Variants in FLACC1 observed in about 807,000 individuals in gnomAD.
The protein encoded by FLACC1 is flagellum-associated coiled-coil domain-containing protein 1.
In FLACC1, 66 loss-of-function variants were observed where a neutral mutation model predicts 62.8. The ratio of observed to expected loss-of-function variants is 1.05; its 90% CI spans 0.86 to 1.29. The LOEUF is 1.29. Among genes scored for constraint, FLACC1 ranks in the 50% most tolerant of loss-of-function variants. FLACC1 has a pLI of 0.00. For missense variants in FLACC1, 452 were observed against 489.1 expected (o/e 0.92, Z 0.71); for synonymous variants, 156 against 161.0 (o/e 0.97, Z 0.24).
intron 11 of FLACC1, among the ~76,000 whole-genome samples, chr2:201,301,088 T>C (rs1576418632): frequency 6.6e-6 from 1 of 152,064 alleles, no homozygotes; most frequent in Non-Finnish European, 1.5e-5. Flanking sequence ...AATTGACGAG[T>C]TGAGAGAAGA....
rs1576454799 is a variant in FLACC1 at position 201,330,726 on chromosome 2, C to T, written c.622+10G>A. On this transcript the variant is annotated intron_variant, in intron 8 of 14. Transcript: ENST00000392257. ...TCATCCAGGGTCATTCTCCCAGGTC[C>T]CAGCAGTACCTAGCTTCTCTTGGGC... 1 of 1,613,292 alleles carries T rather than the reference C, an allele frequency of 6.2e-7. No individual in the cohort carries two copies. Among genetic ancestry groups the T allele is most frequent in the East Asian group, 2.2e-5 (1 of 44,854 alleles).
rs147684304 is a variant in FLACC1 at position 201,340,943 on chromosome 2, G to A, written c.524+1427C>T. On this transcript the variant is annotated intron_variant, in intron 7 of 14. Transcript: ENST00000392257. ...ACATCATCACACTGACTCCTGGCCT[G>A]CAGGGTTTCTGTTAAGAAATTACAA... is the stretch of plus-strand genomic sequence containing the variant. Among the ~76,000 whole-genome samples the A allele has an allele frequency of 3.9e-3, 591 of 152,258 alleles. 5 individuals are homozygous for A. The highest frequency in any genetic ancestry group is 0.014 in the African/African-American group (562 of 41,560).
At chr2:201,349,881 A>G (rs1950991038) in intron 3 of FLACC1, among the ~76,000 whole-genome samples, 1 of 152,206 alleles carries the variant, frequency 6.6e-6, no homozygotes, top group African/African-American at 2.4e-5. Context: ...AGCAGTGGAT[A>G]CAGTGACTTT....
intron 12 of FLACC1, among the ~76,000 whole-genome samples, chr2:201,292,863 G>T (rs933377470): frequency 3.3e-5 from 5 of 152,076 alleles, no homozygotes; most frequent in African/African-American, 1.2e-4. Context: ...AAAGGCAGGG[G>T]TTGCAATACT....
In FLACC1 at chr2:201,288,571, T is replaced by TCTC. The variant is rs1316081091; in HGVS notation, c.*81_*83dup. On this transcript the variant is annotated 3_prime_UTR_variant, in exon 15 of 15. Transcript: ENST00000392257. ...AGAACTAAACTCATTATATGCATTTTCTCAAGAAAACCCTCCCAGGAGTTT... is the reference window on the plus strand; with the variant it reads ...AGAACTAAACTCATTATATGCATTTTCTCCTCAAGAAAACCCTCCCAGGAGTTT... 63 of 1,513,976 alleles carry TCTC rather than the reference T, an allele frequency of 4.2e-5. No homozygotes were observed. The highest frequency in any genetic ancestry group is 5.3e-5 in the Non-Finnish European group (59 of 1,119,200). 93.8% of individuals were successfully genotyped at this position (1,513,976 alleles called of 1,614,324 possible).
At chr2:201,349,635 C>T (rs1218006567) in intron 3 of FLACC1, among the ~76,000 whole-genome samples, 1 of 152,136 alleles carries the variant, frequency 6.6e-6, no homozygotes, top group Non-Finnish European at 1.5e-5. Flanking sequence ...AAGATTCATA[C>T]AAAGACCTAA....
intron 11 of FLACC1, among the ~76,000 whole-genome samples, chr2:201,305,762 G>T (rs1950089743): frequency 1.3e-5 from 2 of 152,168 alleles, no homozygotes; most frequent in Admixed American, 1.3e-4. Flanking sequence ...CCATAATAAT[G>T]GATGAGCTCA....
chr2:201,303,849 T>A (rs2125554198), intron 11 of FLACC1, among the ~76,000 whole-genome samples: 1 of 152,322 alleles, frequency 6.6e-6, no homozygotes, highest in Non-Finnish European at 1.5e-5. Flanking sequence ...TCTCAATAGA[T>A]GCAGAAAAGG....
chr2:201,289,385 C>T, intron 14 of FLACC1, 72 bp downstream of exon 14: 1 of 1,431,016 alleles, frequency 7.0e-7, no homozygotes, highest in Admixed American at 1.7e-5. Flanking sequence ...ATCTTCCTAA[C>T]CCATTCCTCA....
At chr2:201,336,903 G>A (rs550735625) in intron 7 of FLACC1, among the ~76,000 whole-genome samples, 6 of 152,158 alleles carry the variant, frequency 3.9e-5, no homozygotes, top group Non-Finnish European at 8.8e-5. Context: ...GATTAGTGAT[G>A]TTGAACACAT....
chr2:201,330,412 G>A (rs1950568632), intron 9 of FLACC1, 58 bp downstream of exon 9: 1 of 1,498,972 alleles, frequency 6.7e-7, no homozygotes, highest in South Asian at 1.2e-5. Flanking sequence ...TTATCCCAAT[G>A]TTAGCCAGGA....
At chr2:201,347,642 C>CAAAAAAAA (rs199933300) in intron 4 of FLACC1, among the ~76,000 whole-genome samples, 37 of 145,540 alleles carry the variant, frequency 2.5e-4, no homozygotes, top group East Asian at 1.0e-3. Context: ...AAAAACAAAA[C>CAAAAAAAA]AAAAAAAAGA....
rs970596536 is a variant in FLACC1 at position 201,304,487 on chromosome 2, G to C, written c.879+3032C>G. ...CTCATGGATAGGAAGAATCAATATC[G>C]TGAAAATGGCCATACTGCCCAAGGT... On this transcript the variant is annotated intron_variant, in intron 11 of 14. Transcript: ENST00000392257. 1.4e-4 allele frequency among the ~76,000 whole-genome samples: 22 copies of C among 152,204 alleles called. No individual in the cohort carries two copies. In the East Asian group the frequency reaches 3.5e-3, roughly 24 times the overall value.
chr2:201,317,400 T>C (rs1172610422), intron 9 of FLACC1, among the ~76,000 whole-genome samples: 1 of 152,150 alleles, frequency 6.6e-6, no homozygotes, highest in African/African-American at 2.4e-5. Flanking sequence ...TGCTATACAC[T>C]GACAGCGACT....
At chr2:201,317,475 T>C (rs1950327574) in intron 9 of FLACC1, among the ~76,000 whole-genome samples, 1 of 152,090 alleles carries the variant, frequency 6.6e-6, no homozygotes, top group Non-Finnish European at 1.5e-5. Context: ...AATAAAATGT[T>C]TGGACTATAC....
At chr2:201,350,017 T>C (rs1950993736) in intron 3 of FLACC1, among the ~76,000 whole-genome samples, 1 of 152,228 alleles carries the variant, frequency 6.6e-6, no homozygotes, top group Admixed American at 6.5e-5. Context: ...CTGGCATCAA[T>C]TAGTTCAAGT....
At chr2:201,305,050 A>C (rs1229911524) in intron 11 of FLACC1, among the ~76,000 whole-genome samples, 2 of 152,256 alleles carry the variant, frequency 1.3e-5, no homozygotes, top group African/African-American at 4.8e-5. Context: ...AAAACACCAA[A>C]AGCAATGGCA....
At chr2:201,322,878 T>C (rs762317265) in intron 9 of FLACC1, among the ~76,000 whole-genome samples, 1 of 152,080 alleles carries the variant, frequency 6.6e-6, no homozygotes, top group Non-Finnish European at 1.5e-5. Flanking sequence ...TCTAGAGATA[T>C]AGATATTATC....
rs1401194517 is a variant in FLACC1, at chr2:201,323,802, AAGT to A, written c.675+6665_675+6667del. ...ACTCTATCAAAAAAAAAAAAAAAAA[AAGT>A]AAGGAAGGAAGGAAGGAAAGAAAAG... On this transcript the variant is annotated intron_variant, in intron 9 of 14. Transcript: ENST00000392257. 2.2e-4 allele frequency among the ~76,000 whole-genome samples: 31 copies of A among 140,648 alleles called. 1 individual carries two copies. Among genetic ancestry groups the A allele is most frequent in the African/African-American group, 7.9e-4 (29 of 36,814 alleles). 92.3% of individuals were successfully genotyped at this position (140,648 alleles called of 152,430 possible).
Sources: gnomAD v4.1 joint callset for allele counts (sites outside exome capture counted in the v4.1 genomes callset) on GRCh38, gnomAD v4.1.1 for gene constraint, MANE v1.5 for transcripts, NCBI Gene and HGNC (gene_info 2026-07-23, HGNC 2026-07-21) for gene names.